Variants in CRYBG1 observed in about 807,000 individuals in gnomAD.
CRYBG1 encodes beta/gamma crystallin domain-containing protein 1.
A neutral mutation model predicts 189.2 loss-of-function variants in CRYBG1; 139 were observed. The observed-to-expected ratio is 0.73, with a 90% CI of 0.64 to 0.85. The LOEUF (loss-of-function observed/expected upper bound fraction) is 0.85. CRYBG1 is among the 40% of genes least tolerant of loss of function. CRYBG1 has a pLI of 0.00. For synonymous variants in CRYBG1, 1,023 were observed against 1,017.1 expected, an observed-to-expected ratio of 1.01 and a Z score of -0.11; for missense variants, 2,611 against 2,675.8, an observed-to-expected ratio of 0.98 and a Z score of 0.53.
chr6:106,547,651 C>T (rs1167756193), intron 13 of CRYBG1, among the ~76,000 whole-genome samples: 1 of 152,074 alleles, frequency 6.6e-6, no homozygotes, highest in East Asian at 1.9e-4. Flanking sequence ...TTCTTTATTT[C>T]TTATTATGGC....
At chr6:106,528,460 C>G (rs892888585) in intron 7 of CRYBG1, among the ~76,000 whole-genome samples, 1 of 151,984 alleles carries the variant, frequency 6.6e-6, no homozygotes, top group African/African-American at 2.4e-5. Context: ...AATTTTCTAC[C>G]CTTTGTTGGC....
Position 106,553,500 on chromosome 6 carries a change from T to G in CRYBG1, c.5518T>G (p.Phe1840Val), listed in dbSNP as rs149877741. 43 of 1,614,088 alleles carry G rather than the reference T, an allele frequency of 2.7e-5. No homozygotes were observed. In the East Asian group the frequency reaches 7.6e-4, roughly 28 times the overall value. ...EPQFQGHSQS[F>V]EETTSQIDDS... ...ACAGTTTCAAGGTCACAGTCAAAGT[T>G]TTGAAGAAACAACAAGTCAAATTGA... The change falls in exon 16 of 22, where the codon TTT (phenylalanine) becomes GTT (valine). Residue 1840 changes from phenylalanine to valine, a missense_variant. Around this residue, in one of 3 missense-constraint regions of CRYBG1, gnomAD observed 1,622 missense variants for 1,735.0 expected, o/e 0.93. Transcript: ENST00000633556.
chr6:106,426,396 A>T (rs986748102), intron 1 of CRYBG1, among the ~76,000 whole-genome samples: 1 of 152,128 alleles, frequency 6.6e-6, no homozygotes, highest in African/African-American at 2.4e-5. Context: ...CCACTCATTT[A>T]TCTGATCCTC....
intron 1 of CRYBG1, among the ~76,000 whole-genome samples, chr6:106,399,532 A>G (rs1172145550): frequency 6.6e-6 from 1 of 152,178 alleles, no homozygotes; most frequent in Non-Finnish European, 1.5e-5. Flanking sequence ...TATGTTAAAA[A>G]CGTTAAAGGC....
At chr6:106,378,871 C>A (rs1182076572) in intron 1 of CRYBG1, among the ~76,000 whole-genome samples, 1 of 152,020 alleles carries the variant, frequency 6.6e-6, no homozygotes, top group Admixed American at 6.6e-5. Flanking sequence ...TGATGCTGGC[C>A]AGGTGTGGTG....
intron 1 of CRYBG1, among the ~76,000 whole-genome samples, chr6:106,417,981 C>T (rs1243564044): frequency 6.6e-6 from 1 of 152,266 alleles, no homozygotes; most frequent in Non-Finnish European, 1.5e-5. Context: ...TGGCTACTCT[C>T]TGCCGGTGAG....
chr6:106,464,298 G>A (rs565458890), intron 2 of CRYBG1, among the ~76,000 whole-genome samples: 1 of 152,114 alleles, frequency 6.6e-6, no homozygotes, highest in East Asian at 1.9e-4. Context: ...TTCAAGACCA[G>A]CCTGACCAAC....
intron 14 of CRYBG1, 60 bp from the exon 15 acceptor site, chr6:106,552,124 A>G: frequency 6.7e-7 from 1 of 1,498,212 alleles, no homozygotes; most frequent in Non-Finnish European, 9.1e-7. Context: ...AGAAGAAAAA[A>G]ACTTTTTCAA....
At chr6:106,480,968 CTTTTTTT>C (rs1246958312) in intron 2 of CRYBG1, among the ~76,000 whole-genome samples, 3 of 14,118 alleles carry the variant, frequency 2.1e-4, no homozygotes, top group African/African-American at 3.7e-4. Flanking sequence ...GAGACTCTGT[CTTTTTTT>C]TTTTTTTTTT....
At chr6:106,485,915 G>C (rs907267274) in intron 2 of CRYBG1, among the ~76,000 whole-genome samples, 1 of 152,156 alleles carries the variant, frequency 6.6e-6, no homozygotes, top group Non-Finnish European at 1.5e-5. Flanking sequence ...CAGGGATACT[G>C]ACCTGCAGTT....
intron 2 of CRYBG1, among the ~76,000 whole-genome samples, chr6:106,473,287 C>T (rs1449513421): frequency 2.0e-5 from 3 of 152,178 alleles, no homozygotes; most frequent in Non-Finnish European, 4.4e-5. Context: ...CAACAGCTAC[C>T]AACTTCTGGG....
intron 1 of CRYBG1, among the ~76,000 whole-genome samples, chr6:106,439,395 A>G (rs1473775439): frequency 6.6e-6 from 1 of 152,180 alleles, no homozygotes; most frequent in African/African-American, 2.4e-5. Context: ...TATTGTTAAT[A>G]TTCTTTAAAA....
At chr6:106,451,443 A>C (rs1771779814) in intron 1 of CRYBG1, 1 of 296,664 alleles carries the variant, frequency 3.4e-6, no homozygotes, top group Non-Finnish European at 6.2e-6. Context: ...ACCTCTATCT[A>C]TCTCTAATTT....
In CRYBG1 at chr6:106,520,391, C is replaced by A; in HGVS notation, c.3183C>A (p.Pro1061=). 6.2e-7 allele frequency: 1 copy of A among 1,614,172 alleles called. No individual in the cohort carries two copies. Among genetic ancestry groups the A allele is most frequent in the East Asian group, 2.2e-5 (1 of 44,890 alleles). Residue 1061 remains proline, a synonymous_variant, in exon 4 of 22, where the codon CCC becomes CCA. Coordinates refer to ENST00000633556, the MANE Select transcript of CRYBG1 (RefSeq NM_001371242.2). The part of the protein sequence containing the change: ...LMAESSPTNS[P]SSGNHLATPQ... ...CTGAATCCAGTCCCACCAACTCTCC[C>A]AGCAGCGGAAATCACTTAGCCACTC... is the stretch of plus-strand genomic sequence containing the variant.
intron 1 of CRYBG1, among the ~76,000 whole-genome samples, chr6:106,406,647 G>A (rs531889270): frequency 2.0e-4 from 31 of 152,314 alleles, no homozygotes; most frequent in Admixed American, 1.4e-3. Flanking sequence ...GAAAGGTCGG[G>A]TTACCAACAA....
chr6:106,518,978 C>CAT (rs1386675086), intron 3 of CRYBG1, among the ~76,000 whole-genome samples, 153 bp from the exon 4 acceptor site: 1 of 132,156 alleles, frequency 7.6e-6, no homozygotes, highest in African/African-American at 2.7e-5. Context: ...TGTGTGCGCA[C>CAT]ACACACACAC....
chr6:106,552,088 T>C, intron 14 of CRYBG1, 96 bp from the exon 15 acceptor site: 11 of 1,442,952 alleles, frequency 7.6e-6, no homozygotes, highest in Non-Finnish European at 6.7e-6. Flanking sequence ...TCTGAGTTTA[T>C]TTTTAGCAGT....
rs1771384038 is a variant in CRYBG1, at chr6:106,433,722, T to A, written c.174-17972T>A. Among the ~76,000 whole-genome samples, 2 of 61,752 alleles carry A rather than the reference T, an allele frequency of 3.2e-5. 1 individual carries two copies. The highest frequency in any genetic ancestry group is 1.3e-3 in the South Asian group (2 of 1,584). 40.5% of individuals were successfully genotyped at this position (61,752 alleles called of 152,430 possible). ...TTTAATTGCTAGAAACTGGGAAATA[T>A]ATATATATATATACATATATATGTA... On this transcript the variant is annotated intron_variant, in intron 1 of 21. Coordinates refer to ENST00000633556, the MANE Select transcript of CRYBG1 (RefSeq NM_001371242.2).
chr6:106,425,212 C>A (rs565093064), intron 1 of CRYBG1, among the ~76,000 whole-genome samples: 4 of 152,212 alleles, frequency 2.6e-5, no homozygotes, highest in Non-Finnish European at 5.9e-5. Flanking sequence ...TGAGTGCTGC[C>A]CCTCATTCAA....
Sources: allele counts gnomAD v4.1 joint callset (sites outside exome capture counted in the v4.1 genomes callset), GRCh38; gene constraint gnomAD v4.1.1; regional missense constraint gnomAD v4.1.1; transcripts MANE v1.5; gene names NCBI Gene and HGNC (gene_info 2026-07-23, HGNC 2026-07-21).